The following PCMTD1 variants were observed in gnomAD, a reference collection of about 807,000 sequenced individuals.
The protein encoded by PCMTD1 is protein-L-isoaspartate (D-aspartate) O-methyltransferase domain containing 1, also known as protein-L-isoaspartate O-methyltransferase domain-containing protein 1.
PCMTD1 carries 12 observed loss-of-function variants against 37.6 expected under a neutral mutation model. That is an observed-to-expected ratio of 0.32 (90% CI 0.20 to 0.52). PCMTD1 has a LOEUF of 0.52. Ranked by LOEUF, PCMTD1 falls within the 20% of genes least tolerant of loss-of-function variation. The pLI is 0.97. For missense variants in PCMTD1, 235 were observed against 421.3 expected, an observed-to-expected ratio of 0.56 and a Z score of 3.87; for synonymous variants, 117 against 135.8, an observed-to-expected ratio of 0.86 and a Z score of 0.96.
intron 2 of PCMTD1, among the ~76,000 whole-genome samples, chr8:51,855,356 C>T (rs1443872490): frequency 6.7e-6 from 1 of 149,298 alleles, no homozygotes; most frequent in Non-Finnish European, 1.5e-5. Flanking sequence ...GGCGAAACCC[C>T]GTCTTTAATA....
intron 3 of PCMTD1, among the ~76,000 whole-genome samples, chr8:51,836,372 CAT>C (rs2038066617): frequency 6.6e-6 from 1 of 152,104 alleles, no homozygotes; most frequent in Non-Finnish European, 1.5e-5. Context: ...TTAAAATATA[CAT>C]ACTTTTTAAG....
At chr8:51,837,098 C>T (rs530300670) in intron 3 of PCMTD1, among the ~76,000 whole-genome samples, 1 of 152,148 alleles carries the variant, frequency 6.6e-6, no homozygotes. Flanking sequence ...ATCAACCATC[C>T]TTATTATTCT....
At chr8:51,854,220 A>G (rs1483864302) in intron 2 of PCMTD1, among the ~76,000 whole-genome samples, 1 of 152,210 alleles carries the variant, frequency 6.6e-6, no homozygotes. Flanking sequence ...ATTGACTTCT[A>G]ATATTTATTA....
At chr8:51,870,981 T>A (rs2038631658) in intron 1 of PCMTD1, among the ~76,000 whole-genome samples, 1 of 152,172 alleles carries the variant, frequency 6.6e-6, no homozygotes, top group Admixed American at 6.5e-5. Flanking sequence ...ATGAAAATAA[T>A]TACATCATAA....
At chr8:51,847,023 A>G (rs1368912985) in intron 2 of PCMTD1, among the ~76,000 whole-genome samples, 1 of 152,212 alleles carries the variant, frequency 6.6e-6, no homozygotes, top group African/African-American at 2.4e-5. Flanking sequence ...TACATTTTAT[A>G]AATTGTCCTG....
chr8:51,883,872 C>T (rs1159741840), intron 1 of PCMTD1, among the ~76,000 whole-genome samples: 1 of 152,174 alleles, frequency 6.6e-6, no homozygotes, highest in African/African-American at 2.4e-5. Context: ...AGACATAGTT[C>T]ATAAATATTC....
intron 3 of PCMTD1, 79 bp from the exon 4 acceptor site, chr8:51,833,768 AAAT>A (rs1375049943): frequency 5.5e-6 from 6 of 1,096,172 alleles, no homozygotes; most frequent in Non-Finnish European, 7.8e-6. Context: ...CAGTCCTTTG[AAAT>A]AATGACGTTA....
At position 51,882,516 on chromosome 8, in the gene PCMTD1, T is replaced by C. The variant is rs573252265; in HGVS notation, c.-96+16414A>G. ...TCTCTCCACAAAGTGATTATCCTGT[T>C]TCCCACCCACTTGACTGTGGCCTCT... is the stretch of plus-strand genomic sequence containing the variant. On this transcript the variant is annotated intron_variant, in intron 1 of 5. Transcript: ENST00000522514. Among the ~76,000 whole-genome samples, 14 of 152,280 alleles carry C rather than the reference T, an allele frequency of 9.2e-5. No individual in the cohort carries two copies. The South Asian group carries it at 2.9e-3, about 32-fold the overall frequency.
At chr8:51,895,720 T>C (rs2038989916) in intron 1 of PCMTD1, among the ~76,000 whole-genome samples, 1 of 152,196 alleles carries the variant, frequency 6.6e-6, no homozygotes, top group African/African-American at 2.4e-5. Context: ...GCTGAAATAT[T>C]TCTGTGTCAC....
chr8:51,818,127 A>G lies in PCMTD1; in HGVS notation c.*2224T>C, dbSNP rs2037786223. On this transcript the variant is annotated 3_prime_UTR_variant, in exon 6 of 6. Coordinates refer to ENST00000522514, the MANE Select transcript of PCMTD1 (RefSeq NM_052937.4). ...ACAAACCCAAAATATTCTTATTCTA[A>G]TATATCTGCATTAATAGATAAAAAG... The G allele has an allele frequency of 2.8e-6, 1 of 351,372 alleles. No individual in the cohort carries two copies. Among genetic ancestry groups the G allele is most frequent in the South Asian group, 2.3e-5 (1 of 44,228 alleles). The allele number at this position is 351,372 out of a possible 1,614,324, so 21.8% of individuals were successfully genotyped here.
chr8:51,831,296 C>T lies in PCMTD1; in HGVS notation c.706+148G>A, dbSNP rs1211493951. The T allele has an allele frequency of 1.5e-5, 9 of 591,070 alleles. No individual in the cohort carries two copies. In the East Asian group the frequency reaches 3.2e-4, roughly 21 times the overall value. 36.6% of individuals were successfully genotyped at this position (591,070 alleles called of 1,614,324 possible). Reference sequence around the variant, plus strand: ...CTGGGCAACAGAACAAGACTGTCTCCAAAAAAAAAAAAAAAGTTGAATAAA... The same window carrying T: ...CTGGGCAACAGAACAAGACTGTCTCTAAAAAAAAAAAAAAAGTTGAATAAA... On this transcript the variant is annotated intron_variant, in intron 5 of 5. Coordinates refer to ENST00000522514, the MANE Select transcript of PCMTD1 (RefSeq NM_052937.4).
chr8:51,891,694 A>ATG lies in PCMTD1; in HGVS notation c.-96+7234_-96+7235dup, dbSNP rs575533443. ...ACAAAAAATATATATATACATATAT[A>ATG]TGTATATATATATATATAGCTTCAG... On this transcript the variant is annotated intron_variant, in intron 1 of 5. Transcript: ENST00000522514. Among the ~76,000 whole-genome samples, 259 of 73,886 alleles carry ATG rather than the reference A, an allele frequency of 3.5e-3. 3 individuals carry two copies. Among genetic ancestry groups the ATG allele is most frequent in the Non-Finnish European group, 6.0e-3 (151 of 25,166 alleles). The allele number at this position is 73,886 out of a possible 152,430, so 48.5% of individuals were successfully genotyped here.
chr8:51,824,363 T>C (rs2037890681), intron 5 of PCMTD1, among the ~76,000 whole-genome samples: 1 of 152,146 alleles, frequency 6.6e-6, no homozygotes, highest in African/African-American at 2.4e-5. Context: ...AGATACAAAA[T>C]CAACGTGCAA....
chr8:51,820,853 C>A, intron 5 of PCMTD1, 135 bp from the exon 6 acceptor site: 1 of 1,059,740 alleles, frequency 9.4e-7, no homozygotes, highest in Non-Finnish European at 1.3e-6. Context: ...CTCTACCTTT[C>A]ATCTAACAAA....
At chr8:51,829,424 GTCAT>G (rs2037968671) in intron 5 of PCMTD1, among the ~76,000 whole-genome samples, 1 of 152,206 alleles carries the variant, frequency 6.6e-6, no homozygotes, top group African/African-American at 2.4e-5. Flanking sequence ...ATGTTTGGCT[GTCAT>G]TCCTTTCTCT....
At chr8:51,853,102 A>G (rs1006961603) in intron 2 of PCMTD1, among the ~76,000 whole-genome samples, 5 of 152,212 alleles carry the variant, frequency 3.3e-5, no homozygotes, top group Non-Finnish European at 7.3e-5. Context: ...TTCACCCTTC[A>G]CTACAGGATA....
At position 51,861,130 on chromosome 8, in the gene PCMTD1, C is replaced by T. The variant is rs2038463791; in HGVS notation, c.22G>A (p.Gly8Arg). The change falls in exon 2 of 6, where the codon GGG becomes AGG. Residue 8 changes from glycine (G) to arginine (R), a missense_variant. Gly to Arg is a moderately radical substitution (Grantham distance 125). Transcript: ENST00000522514. The part of the protein sequence containing the change: MGGAVSA[G>R]EDNDDLIDNL... ...TCAATTAAGTCATCATTATCTTCCCCAGCACTCACAGCTCCTCCCATGATA... is the reference window on the plus strand; with the variant it reads ...TCAATTAAGTCATCATTATCTTCCCTAGCACTCACAGCTCCTCCCATGATA... 1 of 1,613,578 alleles carries T rather than the reference C, an allele frequency of 6.2e-7. No homozygotes were observed. Among genetic ancestry groups the T allele is most frequent in the Non-Finnish European group, 8.5e-7 (1 of 1,179,606 alleles).
intron 1 of PCMTD1, among the ~76,000 whole-genome samples, chr8:51,893,372 T>A (rs1372530749): frequency 2.6e-5 from 4 of 152,194 alleles, no homozygotes; most frequent in African/African-American, 9.6e-5. Context: ...TGAAATTTCA[T>A]ATGAACTCTT....
chr8:51,884,558 T>C (rs2038837732), intron 1 of PCMTD1, among the ~76,000 whole-genome samples: 1 of 152,202 alleles, frequency 6.6e-6, no homozygotes, highest in African/African-American at 2.4e-5. Flanking sequence ...TAATACCCAC[T>C]GTCTCAATCC....
Sources: allele counts gnomAD v4.1 joint callset (sites outside exome capture counted in the v4.1 genomes callset), GRCh38; gene constraint gnomAD v4.1.1; transcripts MANE v1.5; gene names NCBI Gene and HGNC (gene_info 2026-07-23, HGNC 2026-07-21).